Variants in ZMAT4 observed in about 807,000 individuals in gnomAD.
The protein encoded by ZMAT4 is zinc finger matrin-type protein 4.
In ZMAT4, 17 loss-of-function variants were observed where a neutral mutation model predicts 28.7. The observed-to-expected ratio is 0.59, with a 90% CI of 0.41 to 0.89. The LOEUF (loss-of-function observed/expected upper bound fraction) is 0.89, where lower values mean the gene tolerates loss of function less well. Among genes scored for constraint, ZMAT4 ranks in the 40% least tolerant of loss-of-function variants. The pLI is 0.00. For missense variants in ZMAT4, 240 were observed against 283.8 expected (o/e 0.85, Z 1.11); for synonymous variants, 117 against 109.2 (o/e 1.07, Z -0.44).
chr8:40,740,303 T>G (rs1490804873), intron 3 of ZMAT4, among the ~76,000 whole-genome samples: 1 of 152,258 alleles, frequency 6.6e-6, no homozygotes, highest in Non-Finnish European at 1.5e-5. Flanking sequence ...CAGCATCTGT[T>G]GCTTCCTGCC....
chr8:40,843,037 A>G (rs1403271258), intron 1 of ZMAT4, among the ~76,000 whole-genome samples: 2 of 152,174 alleles, frequency 1.3e-5, no homozygotes, highest in Non-Finnish European at 2.9e-5. Context: ...TCAGCCTCCC[A>G]AAGTGCTGGG....
chr8:40,838,305 C>T (rs567709285), intron 1 of ZMAT4, among the ~76,000 whole-genome samples: 11 of 152,268 alleles, frequency 7.2e-5, no homozygotes, highest in African/African-American at 2.2e-4. Context: ...GGGGAAAGCA[C>T]GGAAGCATCA....
chr8:40,532,300 T>A, intron 6 of ZMAT4, 62 bp from the exon 7 acceptor site: 4 of 1,489,160 alleles, frequency 2.7e-6, no homozygotes, highest in Non-Finnish European at 2.7e-6. Flanking sequence ...CAACACCTCT[T>A]TCTCCCCCCC....
At chr8:40,604,615 G>A (rs1318524376) in intron 5 of ZMAT4, among the ~76,000 whole-genome samples, 1 of 152,086 alleles carries the variant, frequency 6.6e-6, no homozygotes, top group Non-Finnish European at 1.5e-5. Context: ...TGTTGGATTT[G>A]GTTAGCTGGT....
intron 4 of ZMAT4, among the ~76,000 whole-genome samples, chr8:40,676,965 A>G (rs1047451121): frequency 6.6e-6 from 1 of 152,180 alleles, no homozygotes; most frequent in Non-Finnish European, 1.5e-5. Flanking sequence ...ATTGAATCTC[A>G]CTTTCAAAGC....
At chr8:40,638,606 T>C (rs1474968905) in intron 5 of ZMAT4, among the ~76,000 whole-genome samples, 1 of 152,210 alleles carries the variant, frequency 6.6e-6, no homozygotes, top group Admixed American at 6.5e-5. Context: ...CAAGAGTGAC[T>C]CTGAGGCTGG....
At chr8:40,850,381 C>A (rs540363286) in intron 1 of ZMAT4, among the ~76,000 whole-genome samples, 2 of 152,134 alleles carry the variant, frequency 1.3e-5, no homozygotes, top group Non-Finnish European at 2.9e-5. Context: ...GTCCCTACAG[C>A]GAGCCCCCAT....
At chr8:40,618,187 A>G (rs1458851189) in intron 5 of ZMAT4, among the ~76,000 whole-genome samples, 1 of 152,228 alleles carries the variant, frequency 6.6e-6, no homozygotes, top group Admixed American at 6.5e-5. Flanking sequence ...TTTCAGACTC[A>G]ATATTTAGAG....
chr8:40,641,773 ATACAG>A (rs1274710361), intron 5 of ZMAT4, among the ~76,000 whole-genome samples: 1 of 152,174 alleles, frequency 6.6e-6, no homozygotes, highest in Non-Finnish European at 1.5e-5. Context: ...TAAGTATACA[ATACAG>A]TATTTTTAAG....
At chr8:40,792,695 AGGGGAGGGGAGGGGAGGAGGT>A (rs1814412319) in intron 2 of ZMAT4, among the ~76,000 whole-genome samples, 2 of 32,128 alleles carry the variant, frequency 6.2e-5, no homozygotes, top group Non-Finnish European at 1.1e-4. Context: ...AGAGGAGGAG[AGGGGAGGGGAGGGGAGGAGGT>A]GGGGAGGGGA....
At chr8:40,715,373 G>T (rs2150511821) in intron 3 of ZMAT4, among the ~76,000 whole-genome samples, 1 of 152,164 alleles carries the variant, frequency 6.6e-6, no homozygotes, top group African/African-American at 2.4e-5. Flanking sequence ...CCATAAAGAG[G>T]CAACAACAGC....
At chr8:40,797,117 C>A (rs1814631929) in intron 2 of ZMAT4, among the ~76,000 whole-genome samples, 1 of 152,162 alleles carries the variant, frequency 6.6e-6, no homozygotes, top group Non-Finnish European at 1.5e-5. Flanking sequence ...CTGGAGTGTC[C>A]TTTTCCCCTT....
intron 6 of ZMAT4, among the ~76,000 whole-genome samples, chr8:40,549,029 C>T (rs1394568855): frequency 6.6e-6 from 1 of 152,006 alleles, no homozygotes; most frequent in African/African-American, 2.4e-5. Flanking sequence ...AGAGGTGGAG[C>T]CTTTGGGAGG....
chr8:40,848,210 G>A (rs1357841049), intron 1 of ZMAT4, among the ~76,000 whole-genome samples: 1 of 152,162 alleles, frequency 6.6e-6, no homozygotes, highest in East Asian at 1.9e-4. Flanking sequence ...AATAACTGTT[G>A]AAGAGAAATG....
chr8:40,888,993 G>A (rs1818570174), intron 1 of ZMAT4, among the ~76,000 whole-genome samples: 1 of 152,214 alleles, frequency 6.6e-6, no homozygotes, highest in Admixed American at 6.5e-5. Flanking sequence ...AAAAGAGCAT[G>A]GTGTGGGGCA....
At chr8:40,703,990 T>C (rs1234092881) in intron 3 of ZMAT4, among the ~76,000 whole-genome samples, 1 of 152,192 alleles carries the variant, frequency 6.6e-6, no homozygotes, top group African/African-American at 2.4e-5. Context: ...AAAATCCTGA[T>C]CACTGGTGTT....
chr8:40,735,542 T>G (rs961563108), intron 3 of ZMAT4, among the ~76,000 whole-genome samples: 2 of 152,178 alleles, frequency 1.3e-5, no homozygotes, highest in African/African-American at 4.8e-5. Flanking sequence ...ATAAAGGATA[T>G]GAGTTAGAAA....
chr8:40,820,729 CTG>C lies in ZMAT4; in HGVS notation c.102+4844_102+4845del, dbSNP rs1171696301. On this transcript the variant is annotated intron_variant, in intron 2 of 6. Transcript: ENST00000297737. ...TGTGTGTATGGGTACGTGTGTATGTCTGTGTATGTTTATGTGTGCATTTGTGC... is the reference window on the plus strand; with the variant it reads ...TGTGTGTATGGGTACGTGTGTATGTCTGTATGTTTATGTGTGCATTTGTGC... Among the ~76,000 whole-genome samples, 4 of 762 alleles carry C rather than the reference CTG, an allele frequency of 5.2e-3. 1 individual carries two copies. The highest frequency in any genetic ancestry group is 0.016 in the Admixed American group (1 of 62). The allele number at this position is 762 out of a possible 152,430, so 0.5% of individuals were successfully genotyped here. A position where few individuals can be genotyped will look rare whatever the true frequency, so the allele number is the denominator to read the frequency against.
chr8:40,881,931 C>T (rs1228116740), intron 1 of ZMAT4, among the ~76,000 whole-genome samples: 6 of 152,138 alleles, frequency 3.9e-5, no homozygotes, highest in African/African-American at 1.2e-4. Context: ...CCCCATGTAG[C>T]GCGCAGAATC....
Sources: gnomAD v4.1 joint callset for allele counts (sites outside exome capture counted in the v4.1 genomes callset) on GRCh38, gnomAD v4.1.1 for gene constraint, MANE v1.5 for transcripts, NCBI Gene and HGNC (gene_info 2026-07-23, HGNC 2026-07-21) for gene names.